The following EPM2A variants were observed in gnomAD, a reference collection of about 807,000 sequenced individuals.
EPM2A encodes laforin.
EPM2A carries 21 observed loss-of-function variants against 26.5 expected under a neutral mutation model. The observed-to-expected ratio is 0.79, with a 90% confidence interval of 0.56 to 1.14. The LOEUF (loss-of-function observed/expected upper bound fraction) is 1.14. EPM2A is among the 50% of genes most tolerant of loss of function. The pLI, the probability that EPM2A is intolerant of heterozygous loss-of-function variation, is 0.00. For missense variants in EPM2A, 458 were observed against 440.8 expected (o/e 1.04, Z -0.35); for synonymous variants, 217 against 177.6 (o/e 1.22, Z -1.76).
chr6:145,561,681 T>G (rs918777406), intron 2 of EPM2A, among the ~76,000 whole-genome samples: 3 of 152,134 alleles, frequency 2.0e-5, no homozygotes, highest in Non-Finnish European at 4.4e-5. Flanking sequence ...GTTGCATGAT[T>G]GAATGCATGA....
chr6:145,415,802 C>T (rs1168674750), intron 4 of EPM2A, among the ~76,000 whole-genome samples: 1 of 152,196 alleles, frequency 6.6e-6, no homozygotes, highest in Non-Finnish European at 1.5e-5. Flanking sequence ...TTGTTGCTGA[C>T]ACTCCAGAGA....
intron 4 of EPM2A, among the ~76,000 whole-genome samples, chr6:145,460,865 A>G (rs1021020711): frequency 5.3e-5 from 8 of 151,518 alleles, no homozygotes; most frequent in African/African-American, 2.0e-4. Context: ...TCAAGATTCA[A>G]ATCTAGACAT....
chr6:145,727,787 T>C (rs1658755624), intron 1 of EPM2A, among the ~76,000 whole-genome samples: 2 of 152,182 alleles, frequency 1.3e-5, no homozygotes, highest in Non-Finnish European at 2.9e-5. Flanking sequence ...ACTACCCTAA[T>C]TTTTTTCAGG....
rs1313498321 is a variant in EPM2A at position 145,701,344 on chromosome 6, T to C, written c.302-15048A>G. ...CCAGAGCTGGTCAACACCAAGATCT[T>C]CCTAAATGTCTGCTTTGCCGTCCTT... On this transcript the variant is annotated intron_variant, in intron 1 of 3. Coordinates refer to ENST00000367519, the MANE Select transcript of EPM2A (RefSeq NM_005670.4). 2.6e-5 allele frequency among the ~76,000 whole-genome samples: 4 copies of C among 152,328 alleles called. 1 individual carries two copies. In the Middle Eastern group the frequency reaches 0.01, roughly 389 times the overall value.
intron 2 of EPM2A, among the ~76,000 whole-genome samples, chr6:145,678,409 T>C (rs1255397366): frequency 6.6e-6 from 1 of 152,112 alleles, no homozygotes; most frequent in Non-Finnish European, 1.5e-5. Flanking sequence ...TGGGATCTAA[T>C]TAAACTAAAG....
rs13198899 is a variant in EPM2A at position 145,452,582 on chromosome 6, G to A, written c.555+49940C>T. Among the ~76,000 whole-genome samples the A allele has an allele frequency of 1.1e-4, 17 of 148,096 alleles. 1 individual carries two copies. Among genetic ancestry groups the A allele is most frequent in the African/African-American group, 3.5e-4 (14 of 39,834 alleles). On this transcript the variant is annotated intron_variant, in intron 4 of 4. Transcript: ENST00000638717. ...AGCTACTCTGGAGGCTGAGGCAGGA[G>A]AATGGCGTGAACCCAGGAGACGGAG...
chr6:145,719,028 T>C lies in EPM2A; in HGVS notation c.301+16170A>G, dbSNP rs549337643. ...GAACACTTTTACACTGTTGGTGGAC[T>C]GTAAACTAGTTCAACCCTTGTGGAA... is the stretch of plus-strand genomic sequence containing the variant. On this transcript the variant is annotated intron_variant, in intron 1 of 3. Transcript: ENST00000367519. Among the ~76,000 whole-genome samples, 29 of 152,336 alleles carry C rather than the reference T, an allele frequency of 1.9e-4. 2 individuals carry two copies. In the South Asian group the frequency reaches 5.8e-3, roughly 30 times the overall value.
intron 2 of EPM2A, among the ~76,000 whole-genome samples, chr6:145,581,244 C>T (rs1266586382): frequency 6.6e-6 from 1 of 152,106 alleles, no homozygotes; most frequent in Non-Finnish European, 1.5e-5. Context: ...TTGCATTTCT[C>T]AAATGATTAG....
chr6:145,565,964 T>G (rs372372701), intron 2 of EPM2A, among the ~76,000 whole-genome samples: 4 of 152,192 alleles, frequency 2.6e-5, no homozygotes, highest in Non-Finnish European at 4.4e-5. Flanking sequence ...AATGTTTGGA[T>G]CAGTGAGCAC....
At position 145,586,253 on chromosome 6, in the gene EPM2A, A is replaced by G. The variant is rs1781194743; in HGVS notation, c.340+48992T>C. 1.3e-5 allele frequency among the ~76,000 whole-genome samples: 2 copies of G among 152,014 alleles called. 1 individual carries two copies. Among genetic ancestry groups the G allele is most frequent in the South Asian group, 4.2e-4 (2 of 4,816 alleles). On this transcript the variant is annotated intron_variant, in intron 2 of 3. Transcript: ENST00000450221. ...TATCTTGAAAATCACTTTTCCATAT[A>G]TTTTGTCTAGTGTTTTGCTTGCTTA...
At chr6:145,528,609 T>A (rs574913701) in intron 2 of EPM2A, among the ~76,000 whole-genome samples, 2 of 152,166 alleles carry the variant, frequency 1.3e-5, no homozygotes, top group Middle Eastern at 3.2e-3. Flanking sequence ...GAAAAAAATA[T>A]ATATTTCTTT....
intron 2 of EPM2A, among the ~76,000 whole-genome samples, chr6:145,580,506 A>G (rs1781098485): frequency 6.6e-6 from 1 of 150,728 alleles, no homozygotes; most frequent in Non-Finnish European, 1.5e-5. Context: ...TTTTGATTAC[A>G]TTTTATTTAT....
chr6:145,561,045 A>T (rs1430675861), intron 2 of EPM2A, among the ~76,000 whole-genome samples: 1 of 152,060 alleles, frequency 6.6e-6, no homozygotes, highest in Non-Finnish European at 1.5e-5. Context: ...TATATAGTAC[A>T]TATACTGTAG....
At chr6:145,689,832 C>T (rs1047924985) in intron 1 of EPM2A, among the ~76,000 whole-genome samples, 1 of 152,204 alleles carries the variant, frequency 6.6e-6, no homozygotes, top group Non-Finnish European at 1.5e-5. Context: ...CTGAAACTTT[C>T]AGCATCATCG....
At chr6:145,510,435 AG>A (rs1332852360) in intron 2 of EPM2A, among the ~76,000 whole-genome samples, 1 of 152,180 alleles carries the variant, frequency 6.6e-6, no homozygotes, top group Admixed American at 6.5e-5. Context: ...AATACCAGTA[AG>A]GACTCTCAAA....
chr6:145,605,285 T>A (rs1224833453), intron 2 of EPM2A, among the ~76,000 whole-genome samples: 2 of 152,200 alleles, frequency 1.3e-5, no homozygotes, highest in Non-Finnish European at 2.9e-5. Flanking sequence ...CATGCCATAC[T>A]TGGTAACTAA....
At chr6:145,473,633 A>AACCTGACT (rs2114727343) in intron 4 of EPM2A, among the ~76,000 whole-genome samples, 1 of 152,262 alleles carries the variant, frequency 6.6e-6, no homozygotes, top group African/African-American at 2.4e-5. Flanking sequence ...AAACTCCTGA[A>AACCTGACT]AGTTAAGGTT....
At chr6:145,617,084 C>G (rs1274290240) in intron 2 of EPM2A, among the ~76,000 whole-genome samples, 2 of 151,992 alleles carry the variant, frequency 1.3e-5, no homozygotes, top group Non-Finnish European at 2.9e-5. Flanking sequence ...TGGCTGTGTC[C>G]CTACCCAAAT....
chr6:145,509,282 T>C (rs1407210097), intron 2 of EPM2A, among the ~76,000 whole-genome samples: 2 of 152,068 alleles, frequency 1.3e-5, no homozygotes, highest in Admixed American at 6.5e-5. Context: ...CCAAGGTACA[T>C]AGTCATCAGA....
Sources: allele counts gnomAD v4.1 joint callset (sites outside exome capture counted in the v4.1 genomes callset), GRCh38; gene constraint gnomAD v4.1.1; transcripts MANE v1.5; gene names NCBI Gene and HGNC (gene_info 2026-07-23, HGNC 2026-07-21).